PDCD6: variants seen among roughly 807,000 people sequenced by gnomAD.
PDCD6 encodes programmed cell death 6.
Under a neutral mutation model 28.3 loss-of-function variants are expected in PDCD6, and 12 were observed. The observed-to-expected ratio is 0.42, with a 90% CI of 0.27 to 0.69. The LOEUF (loss-of-function observed/expected upper bound fraction) is 0.69. PDCD6 is among the 30% of genes least tolerant of loss of function. The pLI, the probability that PDCD6 is intolerant of heterozygous loss-of-function variation, is 0.22. For missense variants in PDCD6, 226 were observed against 269.9 expected (o/e 0.84, Z 1.14); for synonymous variants, 92 against 108.0 (o/e 0.85, Z 0.92).
At chr5:288,042 C>T (rs1242452197) in intron 2 of PDCD6, among the ~76,000 whole-genome samples, 2 of 151,958 alleles carry the variant, frequency 1.3e-5, no homozygotes, top group Non-Finnish European at 2.9e-5. Flanking sequence ...TTCTCAGGCA[C>T]CTCAGAAGTA....
chr5:286,105 G>C (rs1306162676), intron 2 of PDCD6, among the ~76,000 whole-genome samples: 2 of 147,458 alleles, frequency 1.4e-5, no homozygotes, highest in African/African-American at 2.6e-5. Context: ...GGGGGGAGCT[G>C]ATGTTCTCCT....
chr5:300,376 TGGGA>T (rs1441257436), intron 2 of PDCD6, among the ~76,000 whole-genome samples: 1 of 152,242 alleles, frequency 6.6e-6, no homozygotes, highest in African/African-American at 2.4e-5. Flanking sequence ...GTGACTCCGC[TGGGA>T]GGGACTCTGG....
At chr5:299,451 G>T (rs970446058) in intron 2 of PDCD6, among the ~76,000 whole-genome samples, 1 of 150,784 alleles carries the variant, frequency 6.6e-6, no homozygotes, top group Non-Finnish European at 1.5e-5. Flanking sequence ...CTGATCTCTC[G>T]TTCCCAAAAC....
At position 314,775 on chromosome 5, in the gene PDCD6, C is replaced by T. The variant is rs1443482170; in HGVS notation, c.*260C>T. 3.7e-6 allele frequency: 2 copies of T among 543,802 alleles called. No individual in the cohort carries two copies. The highest frequency in any genetic ancestry group is 3.8e-5 in the African/African-American group (2 of 52,744). The allele number at this position is 543,802 out of a possible 1,614,324, so 33.7% of individuals were successfully genotyped here. On this transcript the variant is annotated 3_prime_UTR_variant, in exon 6 of 6. Transcript: ENST00000264933. ...AGGTAAATGTAATGTTTCAGGCATT[C>T]TGCTTGCAAAAAAATCTATCATGTG...
intron 2 of PDCD6, among the ~76,000 whole-genome samples, chr5:296,625 C>T (rs1252750744): frequency 6.6e-6 from 1 of 152,150 alleles, no homozygotes; most frequent in South Asian, 2.1e-4. Flanking sequence ...TGATTTATGT[C>T]GAGCTCAAAG....
chr5:299,863 T>TA (rs1461356495), intron 2 of PDCD6, among the ~76,000 whole-genome samples: 9 of 151,900 alleles, frequency 5.9e-5, no homozygotes, highest in African/African-American at 2.2e-4. Flanking sequence ...TTTTTTTTTT[T>TA]ATTTTTTTAT....
At chr5:286,874 G>T (rs1425316464) in intron 2 of PDCD6, among the ~76,000 whole-genome samples, 1 of 152,356 alleles carries the variant, frequency 6.6e-6, no homozygotes, top group African/African-American at 2.4e-5. Flanking sequence ...TGCTGCCTCT[G>T]ATGTCTTAGG....
intron 2 of PDCD6, among the ~76,000 whole-genome samples, chr5:281,058 G>A (rs1738534107): frequency 2.0e-5 from 3 of 152,262 alleles, no homozygotes; most frequent in African/African-American, 7.2e-5. Flanking sequence ...ATCTACAGCT[G>A]TGTGGTGATT....
chr5:313,208 A>T (rs1253479758), intron 5 of PDCD6, among the ~76,000 whole-genome samples: 1 of 152,286 alleles, frequency 6.6e-6, no homozygotes, highest in African/African-American at 2.4e-5. Flanking sequence ...GCAGACCTCA[A>T]GTTAAAATTC....
At chr5:277,709 C>T (rs923721361) in intron 2 of PDCD6, among the ~76,000 whole-genome samples, 6 of 152,004 alleles carry the variant, frequency 3.9e-5, no homozygotes, top group Non-Finnish European at 7.4e-5. Flanking sequence ...GCTGGGATTA[C>T]GGGCGTGAGC....
chr5:299,796 G>T (rs377052290), intron 2 of PDCD6, among the ~76,000 whole-genome samples: 1 of 152,076 alleles, frequency 6.6e-6, no homozygotes, highest in Non-Finnish European at 1.5e-5. Flanking sequence ...TGATCCGCCC[G>T]CCTTGGCCTC....
intron 2 of PDCD6, among the ~76,000 whole-genome samples, chr5:282,272 C>T (rs1386511977): frequency 1.0e-4 from 8 of 76,836 alleles, no homozygotes; most frequent in African/African-American, 2.7e-4. Context: ...GCGGAAAAAT[C>T]GGGGGGGGGG....
rs1740393322 is a variant in PDCD6, at chr5:305,198, G to C, written c.208+977G>C. ...TTGCTGGGAGGTGCAGCCCCCTTCA[G>C]ACCTCTTTAATATGGAATCCCAGGT... On this transcript the variant is annotated intron_variant, in intron 3 of 5. Coordinates refer to ENST00000264933, the MANE Select transcript of PDCD6 (RefSeq NM_013232.4). The surrounding 1 kb of genome is among the most constrained non-coding windows in gnomAD (Gnocchi z 4.0). The C allele has an allele frequency of 6.6e-6, 1 of 152,336 alleles. No homozygotes were observed. The highest frequency in any genetic ancestry group is 2.4e-5 in the African/African-American group (1 of 41,448). The allele number at this position is 152,336 out of a possible 1,614,324, so 9.4% of individuals were successfully genotyped here.
At position 289,944 on chromosome 5, in the gene PDCD6, C is replaced by T. The variant is rs1739217015; in HGVS notation, c.164-14233C>T. On this transcript the variant is annotated intron_variant, in intron 2 of 5. Transcript: ENST00000264933. ...AAACACAGCTAACAACCATCACATC[C>T]TTTTCTACTCCTCTGAGAAATTTGT... 4 of 1,558,950 alleles carry T rather than the reference C, an allele frequency of 2.6e-6. No individual in the cohort carries two copies. In the Admixed American group the frequency reaches 6.7e-5, roughly 26 times the overall value.
chr5:311,787 G>A (rs62330021), intron 5 of PDCD6: 25,336 of 208,390 alleles, frequency 0.12, 4,079 homozygotes, highest in African/African-American at 0.43. Flanking sequence ...TCTGCGTCCC[G>A]GGTTTAAGCA....
intron 5 of PDCD6, among the ~76,000 whole-genome samples, chr5:312,856 G>A (rs902018745): frequency 1.8e-5 from 2 of 108,934 alleles, no homozygotes; most frequent in Admixed American, 8.0e-5. Flanking sequence ...GTAAAATCTC[G>A]TTCTGTGTCT....
At chr5:299,753 A>G (rs62329988) in intron 2 of PDCD6, among the ~76,000 whole-genome samples, 32,539 of 152,032 alleles carry the variant, frequency 0.21, 4,466 homozygotes, top group African/African-American at 0.4. Flanking sequence ...GTTTCACCAT[A>G]TTAGCCAGGA....
At chr5:277,305 T>G (rs1415602588) in intron 2 of PDCD6, among the ~76,000 whole-genome samples, 19 of 140,582 alleles carry the variant, frequency 1.4e-4, no homozygotes, top group Non-Finnish European at 1.9e-4. Flanking sequence ...TTTTGTATTT[T>G]TTTTTTTTTT....
chr5:302,191 CTGTGTGTGTGTG>C (rs70955230), intron 2 of PDCD6, among the ~76,000 whole-genome samples: 6 of 88,048 alleles, frequency 6.8e-5, no homozygotes, highest in Non-Finnish European at 9.2e-5. Context: ...TGGAGTGCTG[CTGTGTGTGTGTG>C]TGTGTGTGTA....
Sources: allele counts gnomAD v4.1 joint callset (sites outside exome capture counted in the v4.1 genomes callset), GRCh38; gene constraint gnomAD v4.1.1; non-coding constraint Gnocchi (gnomAD v3.1); transcripts MANE v1.5; gene names NCBI Gene and HGNC (gene_info 2026-07-23, HGNC 2026-07-21).